Variants in PUM2 observed in about 807,000 individuals in gnomAD.
PUM2 encodes pumilio homolog 2.
In PUM2, 57 loss-of-function variants were observed where a neutral mutation model predicts 124.5. The ratio of observed to expected loss-of-function variants is 0.46; its 90% CI spans 0.37 to 0.57. The LOEUF (loss-of-function observed/expected upper bound fraction) is 0.57, where lower values mean the gene tolerates loss of function less well. Among genes scored for constraint, PUM2 ranks in the 20% least tolerant of loss-of-function variants. The pLI is 0.00. For missense variants in PUM2, 1,065 were observed against 1,290.6 expected (o/e 0.83, Z 2.68); for synonymous variants, 460 against 446.1 (o/e 1.03, Z -0.39).
chr2:20,317,364 C>T (rs941360783), intron 3 of PUM2, among the ~76,000 whole-genome samples: 26 of 152,058 alleles, frequency 1.7e-4, no homozygotes, highest in African/African-American at 6.0e-4. Context: ...AGATCTGCTC[C>T]CTTTCTGGGA....
At position 20,261,394 on chromosome 2, in the gene PUM2, C is replaced by CAAAAAAAA. The variant is rs200294801; in HGVS notation, c.2226-936_2226-929dup. Among the ~76,000 whole-genome samples the CAAAAAAAA allele has an allele frequency of 6.0e-3, 462 of 76,674 alleles. 106 individuals are homozygous for CAAAAAAAA. Among genetic ancestry groups the CAAAAAAAA allele is most frequent in the African/African-American group, 0.011 (196 of 17,392 alleles). 50.3% of individuals were successfully genotyped at this position (76,674 alleles called of 152,430 possible). On this transcript the variant is annotated intron_variant, in intron 14 of 20. Coordinates refer to ENST00000361078, the MANE Select transcript of PUM2 (RefSeq NM_015317.5). ...AAGCGACAGAGTGAGACTCTGTCTC[C>CAAAAAAAA]AAAAAAAAAAAAAAAAAAAAAAAAA...
Position 20,307,988 on chromosome 2 carries a change from C to T in PUM2, c.873G>A (p.Gln291=), listed in dbSNP as rs1171965873. Residue 291 remains glutamine, a synonymous_variant, in exon 7 of 21, where the codon CAG becomes CAA. Coordinates refer to ENST00000361078, the MANE Select transcript of PUM2 (RefSeq NM_015317.5). ...CGTATGAAGACTCACCTATATGTGG[C>T]TGCTGAGCTGCTGCTAATGCATATT... ...QQQYALAAAQ[Q]PHIAGVFSAG... is the part of the protein sequence containing the mutation. 4.3e-6 allele frequency: 7 copies of T among 1,613,466 alleles called. No homozygotes were observed. Among genetic ancestry groups the T allele is most frequent in the Admixed American group, 1.7e-5 (1 of 60,020 alleles).
chr2:20,328,940 G>A (rs1179789484), intron 1 of PUM2, among the ~76,000 whole-genome samples: 1 of 152,146 alleles, frequency 6.6e-6, no homozygotes, highest in African/African-American at 2.4e-5. Flanking sequence ...GGGAAGCCGA[G>A]GCAGGTGGAT....
At chr2:20,276,912 T>C (rs748712630) in intron 13 of PUM2, among the ~76,000 whole-genome samples, 11 of 152,120 alleles carry the variant, frequency 7.2e-5, no homozygotes, top group Non-Finnish European at 1.5e-4. Context: ...CCAGTGGTGA[T>C]TATTTCCCAC....
At chr2:20,260,053 C>G (rs563956804) in intron 15 of PUM2, among the ~76,000 whole-genome samples, 60 of 152,302 alleles carry the variant, frequency 3.9e-4, no homozygotes, top group African/African-American at 1.4e-3. Context: ...AGCATCTTTT[C>G]ATGGCCTATG....
chr2:20,288,520 A>T (rs558461848), intron 10 of PUM2, among the ~76,000 whole-genome samples: 1 of 152,326 alleles, frequency 6.6e-6, no homozygotes, highest in African/African-American at 2.4e-5. Flanking sequence ...TTTTAGGATG[A>T]ACAGGCAGAA....
chr2:20,304,647 T>C (rs1273668212), intron 7 of PUM2, among the ~76,000 whole-genome samples: 1 of 152,180 alleles, frequency 6.6e-6, no homozygotes, highest in Non-Finnish European at 1.5e-5. Flanking sequence ...ACAGAAGACA[T>C]TTGTCAACTC....
chr2:20,263,551 A>T, intron 13 of PUM2, 91 bp from the exon 14 acceptor site: 1 of 1,402,992 alleles, frequency 7.1e-7, no homozygotes, highest in Admixed American at 2.2e-5. Flanking sequence ...GTCAATAAAG[A>T]AATATTTCCC....
At chr2:20,313,769 G>A (rs1268507057) in intron 3 of PUM2, among the ~76,000 whole-genome samples, 1 of 139,938 alleles carries the variant, frequency 7.1e-6, no homozygotes, top group African/African-American at 2.6e-5. Context: ...TCAGGAGGTT[G>A]AAGCTGCAGT....
chr2:20,299,021 C>A lies in PUM2; in HGVS notation c.884-1343G>T, dbSNP rs1486528899. Among the ~76,000 whole-genome samples, 7 of 152,318 alleles carry A rather than the reference C, an allele frequency of 4.6e-5. No individual in the cohort carries two copies. In the South Asian group the frequency reaches 1.2e-3, roughly 27 times the overall value. On this transcript the variant is annotated intron_variant, in intron 7 of 20. Coordinates refer to ENST00000361078, the MANE Select transcript of PUM2 (RefSeq NM_015317.5). ...CCTCACCCTACCCAGCAGCTCTGCA[C>A]ACCTGTATCCTTAACAGTATCTTTC...
At chr2:20,325,870 C>T (rs368753702) in intron 2 of PUM2, among the ~76,000 whole-genome samples, 1 of 152,182 alleles carries the variant, frequency 6.6e-6, no homozygotes, top group Non-Finnish European at 1.5e-5. Context: ...ATCCGCCCAC[C>T]TTGGACTCCC....
At chr2:20,342,076 C>T (rs1479603845) in intron 1 of PUM2, among the ~76,000 whole-genome samples, 4 of 144,734 alleles carry the variant, frequency 2.8e-5, no homozygotes, top group South Asian at 4.3e-4. Context: ...TTGCATGGAG[C>T]GGAGATTGCG....
At chr2:20,255,449 T>A in intron 17 of PUM2, 108 bp from the exon 18 acceptor site, 1 of 1,142,554 alleles carries the variant, frequency 8.8e-7, no homozygotes, top group Non-Finnish European at 1.2e-6. Flanking sequence ...TAAAAGCAGT[T>A]TGAAATAGAA....
chr2:20,312,282 G>A lies in PUM2; in HGVS notation c.302C>T (p.Ser101Phe), dbSNP rs1679783584. 1.2e-6 allele frequency: 2 copies of A among 1,611,814 alleles called. No homozygotes were observed. The highest frequency in any genetic ancestry group is 1.3e-5 in the African/African-American group (1 of 74,940). Residue 101 changes from serine (S) to phenylalanine (F), a missense_variant, in exon 4 of 21, where the codon TCT (serine) becomes TTT (phenylalanine). Ser to Phe is a radical substitution (Grantham distance 155). Around this residue, in one of 3 missense-constraint regions of PUM2, gnomAD observed 7 missense variants for 27.1 expected, o/e 0.26. Coordinates refer to ENST00000361078, the MANE Select transcript of PUM2 (RefSeq NM_015317.5). ...AGAATCCAATTTATCAGCAGGAGAA[G>A]AACTTAATACATATTCTACCATGCT... ...GVSMVEYVLS[S>F]SPADKLDSRF...
intron 1 of PUM2, among the ~76,000 whole-genome samples, chr2:20,343,471 C>A (rs1268825446): frequency 6.6e-6 from 1 of 152,016 alleles, no homozygotes; most frequent in East Asian, 1.9e-4. Context: ...AATAAAATAG[C>A]AAATAAACTA....
chr2:20,266,846 T>G (rs1050729111), intron 13 of PUM2, among the ~76,000 whole-genome samples: 1 of 147,844 alleles, frequency 6.8e-6, no homozygotes, highest in South Asian at 2.1e-4. Context: ...TCCCTTTCTC[T>G]TTCTTATAAA....
chr2:20,264,394 A>ATATATT (rs1268744692), intron 13 of PUM2, among the ~76,000 whole-genome samples: 4 of 121,242 alleles, frequency 3.3e-5, no homozygotes, highest in Middle Eastern at 4.2e-3. Context: ...ATATATATAT[A>ATATATT]TATTTGACAT....
chr2:20,316,767 T>A (rs1161831159), intron 3 of PUM2, among the ~76,000 whole-genome samples: 1 of 152,064 alleles, frequency 6.6e-6, no homozygotes, highest in Admixed American at 6.6e-5. Flanking sequence ...GCATGGTGGC[T>A]CATGCCCTAA....
chr2:20,342,128 C>CA (rs776745768), intron 1 of PUM2, among the ~76,000 whole-genome samples: 29,716 of 93,984 alleles, frequency 0.32, 3,428 homozygotes, highest in Middle Eastern at 0.37. Context: ...GACTCTGTCT[C>CA]AAAAAAAAAA....
Sources: allele counts gnomAD v4.1 joint callset (sites outside exome capture counted in the v4.1 genomes callset), GRCh38; gene constraint gnomAD v4.1.1; regional missense constraint gnomAD v4.1.1; transcripts MANE v1.5; gene names NCBI Gene and HGNC (gene_info 2026-07-23, HGNC 2026-07-21).